The following ASTN2 variants were observed in gnomAD, a reference collection of about 807,000 sequenced individuals.
The protein encoded by ASTN2 is astrotactin 2.
Under a neutral mutation model 139.8 loss-of-function variants are expected in ASTN2, and 54 were observed. The observed-to-expected ratio is 0.39, with a 90% CI of 0.31 to 0.48. The LOEUF (loss-of-function observed/expected upper bound fraction) is 0.48, where lower values mean the gene tolerates loss of function less well. Ranked by LOEUF, ASTN2 falls within the 20% of genes least tolerant of loss-of-function variation. ASTN2 has a pLI of 0.95. For synonymous variants in ASTN2, 756 were observed against 719.5 expected, an observed-to-expected ratio of 1.05 and a Z score of -0.81; for missense variants, 1,565 against 1,725.1, an observed-to-expected ratio of 0.91 and a Z score of 1.64.
Position 117,291,310 on chromosome 9 carries a change from T to A in ASTN2, c.630+16A>T, listed in dbSNP as rs576075818. ...CACGCAATCCCCGACCCCGGTCACA[T>A]CCCCCCATCACTCACCATCACAGAA... is the stretch of plus-strand genomic sequence containing the variant. On this transcript the variant is annotated intron_variant, in intron 2 of 22. Coordinates refer to ENST00000313400, the MANE Select transcript of ASTN2 (RefSeq NM_001365068.1). 1.7e-4 allele frequency: 270 copies of A among 1,589,142 alleles called. 3 individuals are homozygous for A. The South Asian group carries it at 2.9e-3, about 17-fold the overall frequency.
intron 19 of ASTN2, among the ~76,000 whole-genome samples, chr9:116,509,565 A>T (rs1217914692): frequency 1.3e-5 from 2 of 152,286 alleles, no homozygotes; most frequent in African/African-American, 4.8e-5. Context: ...CTGGTTCTAG[A>T]TCACTGAGGA....
At chr9:116,518,822 T>C (rs1166502145) in intron 19 of ASTN2, among the ~76,000 whole-genome samples, 1 of 151,964 alleles carries the variant, frequency 6.6e-6, no homozygotes, top group East Asian at 1.9e-4. Context: ...AGATATTCCA[T>C]GCAAACAATG....
chr9:116,599,385 CTG>C (rs1470525860), intron 19 of ASTN2, among the ~76,000 whole-genome samples: 8 of 152,158 alleles, frequency 5.3e-5, no homozygotes, highest in Non-Finnish European at 8.8e-5. Context: ...AGTATTGTAA[CTG>C]TGTTCATTTT....
intron 2 of ASTN2, among the ~76,000 whole-genome samples, chr9:117,227,753 G>C (rs1289844089): frequency 6.6e-6 from 1 of 152,136 alleles, no homozygotes; most frequent in African/African-American, 2.4e-5. Flanking sequence ...TCTCTCTACT[G>C]TTGGACCAAA....
intron 16 of ASTN2, among the ~76,000 whole-genome samples, chr9:116,661,662 G>A (rs1187241703): frequency 6.6e-6 from 1 of 152,118 alleles, no homozygotes; most frequent in Non-Finnish European, 1.5e-5. Context: ...ATTCCAAGGT[G>A]GTAATGGAAT....
At chr9:117,394,673 A>G (rs1488305983) in intron 1 of ASTN2, among the ~76,000 whole-genome samples, 2 of 152,212 alleles carry the variant, frequency 1.3e-5, no homozygotes, top group Non-Finnish European at 2.9e-5. Flanking sequence ...GACAGAGGAC[A>G]CAGCTCGAGC....
intron 19 of ASTN2, among the ~76,000 whole-genome samples, chr9:116,498,687 A>G (rs376494873): frequency 1.2e-4 from 18 of 152,316 alleles, no homozygotes; most frequent in African/African-American, 4.1e-4. Flanking sequence ...AATCTGCAAA[A>G]CATGATGTAT....
intron 7 of ASTN2, among the ~76,000 whole-genome samples, chr9:117,002,380 C>T (rs371223869): frequency 2.2e-4 from 33 of 152,070 alleles, no homozygotes; most frequent in Admixed American, 8.5e-4. Context: ...GGTGGAGAGA[C>T]GAGTTGAACT....
chr9:117,129,271 T>A (rs980906970), intron 4 of ASTN2, among the ~76,000 whole-genome samples: 3 of 152,096 alleles, frequency 2.0e-5, no homozygotes, highest in Non-Finnish European at 4.4e-5. Flanking sequence ...ACCCACTTCC[T>A]CCCTCCGTTC....
Position 116,844,062 on chromosome 9 carries a change from C to T in ASTN2, c.2040+19521G>A, listed in dbSNP as rs139861217. Among the ~76,000 whole-genome samples, 4 of 152,314 alleles carry T rather than the reference C, an allele frequency of 2.6e-5. No homozygotes were observed. The East Asian group carries it at 5.8e-4, about 22-fold the overall frequency. ...AAAATAAGATTAATCCAGATACTGT[C>T]ATTTCCTAGCTGTGTGACTTCAGGC... is the stretch of plus-strand genomic sequence containing the variant. On this transcript the variant is annotated intron_variant, in intron 11 of 22. Transcript: ENST00000313400.
chr9:117,060,537 A>G (rs113819085), intron 5 of ASTN2, among the ~76,000 whole-genome samples: 31,229 of 107,602 alleles, frequency 0.29, 6,487 homozygotes, highest in Middle Eastern at 0.45. Context: ...AAGGAAGGAA[A>G]GAAAGAAAGA....
intron 13 of ASTN2, among the ~76,000 whole-genome samples, chr9:116,777,695 C>G (rs901135457): frequency 3.9e-5 from 6 of 152,146 alleles, no homozygotes; most frequent in African/African-American, 1.4e-4. Context: ...ATGTTCCAAT[C>G]TAAGACCACA....
chr9:117,252,660 A>G (rs557833263), intron 2 of ASTN2, among the ~76,000 whole-genome samples: 1 of 152,360 alleles, frequency 6.6e-6, no homozygotes, highest in South Asian at 2.1e-4. Context: ...TTTAATCAGC[A>G]ATTCTATGAG....
rs759379145 is a variant in ASTN2, at chr9:117,214,681, C to T, written c.692G>A (p.Arg231Gln). 2.6e-6 allele frequency: 4 copies of T among 1,541,214 alleles called. No individual in the cohort carries two copies. The highest frequency in any genetic ancestry group is 3.5e-6 in the Non-Finnish European group (4 of 1,137,010). Residue 231 changes from arginine to glutamine, a missense_variant, in exon 3 of 23, where the codon CGA becomes CAA. Around this residue, in one of 4 missense-constraint regions of ASTN2, gnomAD observed 596 missense variants for 576.8 expected, o/e 1.03. Coordinates refer to ENST00000313400, the MANE Select transcript of ASTN2 (RefSeq NM_001365068.1). ...LVFTVALYAQ[R>Q]RWQKRRRIPQ... ...GATGCGGCGACGCTTCTGCCAACGT[C>T]GCTGGGCGTACAGCGCCACGGTGAA...
rs116890008 is a variant in ASTN2 at position 117,172,367 on chromosome 9, G to A, written c.1016-30889C>T. Among the ~76,000 whole-genome samples the A allele has an allele frequency of 3.8e-4, 58 of 152,004 alleles. 1 individual carries two copies. The East Asian group carries it at 6.6e-3, about 17-fold the overall frequency. ...TTTTAATTTCAAAGGCCACTGTATCGGGAGGCACAGATCTATATGTTGGTC... is the reference window on the plus strand; with the variant it reads ...TTTTAATTTCAAAGGCCACTGTATCAGGAGGCACAGATCTATATGTTGGTC... On this transcript the variant is annotated intron_variant, in intron 3 of 22. Transcript: ENST00000313400.
chr9:116,560,468 T>C (rs1331306252), intron 19 of ASTN2, among the ~76,000 whole-genome samples: 1 of 139,036 alleles, frequency 7.2e-6, no homozygotes, highest in South Asian at 2.3e-4. Context: ...CTATCCTTCC[T>C]CCCTCTTCTT....
intron 19 of ASTN2, among the ~76,000 whole-genome samples, chr9:116,488,764 T>C (rs1564313160): frequency 6.6e-6 from 1 of 152,238 alleles, no homozygotes; most frequent in Non-Finnish European, 1.5e-5. Context: ...GTGGACTGTC[T>C]GGAGAGTGAC....
chr9:116,755,644 C>G (rs1309352606), intron 13 of ASTN2, among the ~76,000 whole-genome samples: 2 of 152,184 alleles, frequency 1.3e-5, no homozygotes, highest in Non-Finnish European at 2.9e-5. Context: ...GTTGTGACAG[C>G]CCTAGCAAGC....
At chr9:116,473,029 T>C (rs1049423593) in intron 20 of ASTN2, among the ~76,000 whole-genome samples, 2 of 151,764 alleles carry the variant, frequency 1.3e-5, no homozygotes, top group Non-Finnish European at 2.9e-5. Flanking sequence ...GCCTGTAAAA[T>C]AGGGATAGTA....
Sources: allele counts gnomAD v4.1 joint callset (sites outside exome capture counted in the v4.1 genomes callset), GRCh38; gene constraint gnomAD v4.1.1; regional missense constraint gnomAD v4.1.1; transcripts MANE v1.5; gene names NCBI Gene and HGNC (gene_info 2026-07-23, HGNC 2026-07-21).